The following DAGLB variants were observed in gnomAD, a reference collection of about 807,000 sequenced individuals.
DAGLB encodes the protein diacylglycerol lipase beta, also known as diacylglycerol lipase-beta.
Under a neutral mutation model 72.1 loss-of-function variants are expected in DAGLB, and 66 were observed. The observed-to-expected ratio is 0.92, with a 90% CI of 0.75 to 1.12. The LOEUF (loss-of-function observed/expected upper bound fraction) is 1.12. Among genes scored for constraint, DAGLB ranks in the 50% most tolerant of loss-of-function variants. The pLI is 0.00. For missense variants in DAGLB, 1,065 were observed against 884.9 expected, an observed-to-expected ratio of 1.20 and a Z score of -2.58; for synonymous variants, 414 against 359.5, an observed-to-expected ratio of 1.15 and a Z score of -1.71.
At chr7:6,427,107 C>A (rs1784338758) in intron 6 of DAGLB, among the ~76,000 whole-genome samples, 1 of 151,816 alleles carries the variant, frequency 6.6e-6, no homozygotes, top group South Asian at 2.1e-4. Flanking sequence ...GACTCCGTCT[C>A]AAAAAATACA....
chr7:6,437,910 G>C (rs547341613), intron 2 of DAGLB, among the ~76,000 whole-genome samples: 116 of 152,252 alleles, frequency 7.6e-4, no homozygotes, highest in African/African-American at 2.5e-3. Context: ...GCAAAGTGCT[G>C]GGATTACAGG....
intron 2 of DAGLB, among the ~76,000 whole-genome samples, chr7:6,440,163 C>G (rs983357432): frequency 6.6e-6 from 1 of 151,442 alleles, no homozygotes; most frequent in Non-Finnish European, 1.5e-5. Context: ...GAGGCTGAGG[C>G]GGCAGATCAC....
intron 4 of DAGLB, 139 bp from the exon 5 acceptor site, chr7:6,433,098 T>C (rs1784541877): frequency 3.0e-6 from 4 of 1,320,736 alleles, no homozygotes; most frequent in Non-Finnish European, 4.0e-6. Flanking sequence ...TTAAAAAGAC[T>C]GCTCCTGGCA....
intron 8 of DAGLB, 155 bp from the exon 9 acceptor site, chr7:6,421,959 G>A: frequency 1.2e-6 from 1 of 839,674 alleles, no homozygotes; most frequent in Non-Finnish European, 1.9e-6. Context: ...ACTAAAGAGG[G>A]AAACCCAGCG....
At chr7:6,433,066 C>T (rs189219846) in intron 4 of DAGLB, 107 bp from the exon 5 acceptor site, 2 of 1,452,330 alleles carry the variant, frequency 1.4e-6, no homozygotes, top group Non-Finnish European at 9.1e-7. Context: ...CACACACAGA[C>T]ATTTCTAGAC....
intron 9 of DAGLB, among the ~76,000 whole-genome samples, chr7:6,420,299 G>A (rs746632366): frequency 1.3e-5 from 2 of 152,030 alleles, no homozygotes; most frequent in South Asian, 4.1e-4. Flanking sequence ...AATCAGCTGG[G>A]TGTGGTGACG....
intron 3 of DAGLB, 144 bp from the exon 4 acceptor site, chr7:6,435,164 C>A: frequency 8.0e-7 from 1 of 1,247,314 alleles, no homozygotes; most frequent in Non-Finnish European, 1.1e-6. Context: ...CTCCTGGAAC[C>A]TGCCTGAGGC....
chr7:6,419,692 T>G (rs569446847), intron 9 of DAGLB, among the ~76,000 whole-genome samples: 64 of 152,322 alleles, frequency 4.2e-4, no homozygotes, highest in Non-Finnish European at 7.8e-4. Flanking sequence ...CCTCAGCTTG[T>G]GGTCACATAA....
intron 2 of DAGLB, among the ~76,000 whole-genome samples, chr7:6,442,335 A>G (rs539299807): frequency 1.3e-3 from 200 of 152,284 alleles, no homozygotes; most frequent in African/African-American, 4.7e-3. Flanking sequence ...TGATGATGCA[A>G]GCATTGTACG....
chr7:6,422,850 G>A (rs553492735), intron 8 of DAGLB: 6 of 152,284 alleles, frequency 3.9e-5, no homozygotes, highest in Admixed American at 3.9e-4. Flanking sequence ...CTACAAATCT[G>A]CACATGTACC....
At chr7:6,415,127 C>T (rs1783859972) in intron 11 of DAGLB, among the ~76,000 whole-genome samples, 1 of 151,064 alleles carries the variant, frequency 6.6e-6, no homozygotes, top group African/African-American at 2.4e-5. Context: ...TGCTGCTGCA[C>T]TCCAGCTGGG....
chr7:6,433,833 C>G (rs1268830872), intron 4 of DAGLB, among the ~76,000 whole-genome samples: 1 of 131,906 alleles, frequency 7.6e-6, no homozygotes, highest in Non-Finnish European at 1.6e-5. Flanking sequence ...GCCCGGGTGA[C>G]AAAACGAGAC....
intron 3 of DAGLB, 49 bp from the exon 4 acceptor site, chr7:6,435,069 A>G (rs1583297670): frequency 6.3e-7 from 1 of 1,596,244 alleles, no homozygotes; most frequent in Non-Finnish European, 8.5e-7. Flanking sequence ...GCCCCAGCCC[A>G]GACGCAGATG....
intron 6 of DAGLB, 31 bp from the exon 7 acceptor site, chr7:6,426,145 G>A (rs373479816): frequency 2.2e-5 from 35 of 1,610,598 alleles, no homozygotes; most frequent in Non-Finnish European, 2.8e-5. Flanking sequence ...TTACTATGCC[G>A]AACAGAGCCA....
In DAGLB at chr7:6,430,601, C is replaced by T; in HGVS notation, c.808G>A (p.Asp270Asn). The change falls in exon 6 of 15, where the codon GAT becomes AAT. Residue 270 changes from aspartate (D) to asparagine (N), a missense_variant. Physicochemically the swap from Asp to Asn is conservative, Grantham distance 23. Transcript: ENST00000297056. Reference sequence around the variant, plus strand: ...CAGTTTTCTAATTCTGCATCCAGATCAGCTTCCTACAAGAGAAGGACAAAA... The same window carrying T: ...CAGTTTTCTAATTCTGCATCCAGATTAGCTTCCTACAAGAGAAGGACAAAA... ...CHAPGSSQEA[D>N]LDAELENCHH... is the part of the protein sequence containing the mutation. The T allele has an allele frequency of 1.9e-6, 3 of 1,592,448 alleles. No individual in the cohort carries two copies. Among genetic ancestry groups the T allele is most frequent in the Non-Finnish European group, 2.6e-6 (3 of 1,166,196 alleles).
In DAGLB at chr7:6,430,513, G is replaced by A. The variant is rs1444117060; in HGVS notation, c.896C>T (p.Pro299Leu). 1 of 1,598,380 alleles carries A rather than the reference G, an allele frequency of 6.3e-7. No individual in the cohort carries two copies. Among genetic ancestry groups the A allele is most frequent in the South Asian group, 1.1e-5 (1 of 88,572 alleles). Residue 299 changes from proline (P) to leucine (L), a missense_variant, in exon 6 of 15, where the codon CCC becomes CTC. Pro to Leu is a moderately conservative substitution (Grantham distance 98). Coordinates refer to ENST00000297056, the MANE Select transcript of DAGLB (RefSeq NM_139179.4). ...ACCAATCCTGCACAGCCCCGTGAGG[G>A]GGTTTCTGTAGATGTAGAGGGGCCA... ...YGWPLYIYRNPLTGLCRIGGD... is the reference protein window; with the variant it reads ...YGWPLYIYRNLLTGLCRIGGD...
Position 6,436,435 on chromosome 7 carries a change from C to T in DAGLB, c.346G>A (p.Ala116Thr). 2 of 1,614,098 alleles carry T rather than the reference C, an allele frequency of 1.2e-6. No homozygotes were observed. The highest frequency in any genetic ancestry group is 1.7e-6 in the Non-Finnish European group (2 of 1,180,026). The change falls in exon 3 of 15, where the codon GCT becomes ACT. Residue 116 changes from alanine (A) to threonine (T), a missense_variant. Physicochemically the swap from Ala to Thr is moderately conservative, Grantham distance 58 (BLOSUM62 0). Transcript: ENST00000297056. ...FPEMVWASLG[A>T]AWVADGVQCD... ...TGAACACCATCTGCCACCCAGGCAG[C>T]CCCCAGAGAGGCCCAGACCATCTCT...
intron 8 of DAGLB, chr7:6,422,088 A>C: frequency 2.0e-6 from 1 of 499,388 alleles, no homozygotes; most frequent in Non-Finnish European, 3.9e-6. Context: ...CACGTATTCT[A>C]AGGACCCCGT....
At position 6,447,801 on chromosome 7, in the gene DAGLB, G is replaced by A. The variant is rs1259297913; in HGVS notation, c.42C>T (p.Ala14=). 2 of 1,613,516 alleles carry A rather than the reference G, an allele frequency of 1.2e-6. No homozygotes were observed. Among genetic ancestry groups the A allele is most frequent in the Admixed American group, 1.7e-5 (1 of 59,958 alleles). The change falls in exon 1 of 15, where the codon GCC becomes GCT. Residue 14 remains alanine (A), a synonymous_variant. Coordinates refer to ENST00000297056, the MANE Select transcript of DAGLB (RefSeq NM_139179.4). Reference sequence around the variant, plus strand: ...ACCCTGGGAAGACCAAGTCGTCGCTGGCGATGGCCCAGCGCCGGCCGAAGA... The same window carrying A: ...ACCCTGGGAAGACCAAGTCGTCGCTAGCGATGGCCCAGCGCCGGCCGAAGA... ...MVLFGRRWAI[A]SDDLVFPGFF... is the part of the protein sequence containing the mutation.
Sources: allele counts gnomAD v4.1 joint callset (sites outside exome capture counted in the v4.1 genomes callset), GRCh38; gene constraint gnomAD v4.1.1; transcripts MANE v1.5; gene names NCBI Gene and HGNC (gene_info 2026-07-23, HGNC 2026-07-21).